CYP39A1: variants seen among roughly 807,000 people sequenced by gnomAD.
The protein encoded by CYP39A1 is 24-hydroxycholesterol 7-alpha-hydroxylase.
In CYP39A1, 49 loss-of-function variants were observed where a neutral mutation model predicts 58.1. That is an observed-to-expected ratio of 0.84 (90% confidence interval 0.67 to 1.07). The LOEUF is 1.07. Among genes scored for constraint, CYP39A1 ranks in the 50% least tolerant of loss-of-function variants. CYP39A1 has a pLI of 0.00. For synonymous variants in CYP39A1, 209 were observed against 187.6 expected (o/e 1.11, Z -0.93); for missense variants, 531 against 539.4 (o/e 0.98, Z 0.16).
At chr6:46,551,381 A>G (rs1013534901) in intron 11 of CYP39A1, among the ~76,000 whole-genome samples, 3 of 151,702 alleles carry the variant, frequency 2.0e-5, no homozygotes, top group Admixed American at 6.6e-5. Flanking sequence ...AAAAAAAAAA[A>G]AAACAACCAT....
intron 7 of CYP39A1, among the ~76,000 whole-genome samples, chr6:46,605,001 G>A (rs1773752276): frequency 6.7e-6 from 1 of 148,498 alleles, no homozygotes; most frequent in Admixed American, 6.7e-5. Flanking sequence ...TAGCTGATGA[G>A]CTTAAAAAAA....
Position 46,550,319 on chromosome 6 carries a change from G to T in CYP39A1, c.*47C>A. On this transcript the variant is annotated 3_prime_UTR_variant, in exon 12 of 12. Transcript: ENST00000275016. ...GGTCTAGGTGCTGCCAGGTGGGGTA[G>T]TGCCACTCCTCCAGAAGGCCCTGGT... The T allele has an allele frequency of 6.5e-7, 1 of 1,537,524 alleles. No homozygotes were observed. The highest frequency in any genetic ancestry group is 8.9e-7 in the Non-Finnish European group (1 of 1,117,336).
chr6:46,619,850 C>T (rs1400840702), intron 7 of CYP39A1, among the ~76,000 whole-genome samples: 2 of 152,168 alleles, frequency 1.3e-5, no homozygotes, highest in East Asian at 3.9e-4. Context: ...ATGGTGAGCA[C>T]TCAAAAAATA....
At chr6:46,607,727 AC>A (rs1047132049) in intron 7 of CYP39A1, among the ~76,000 whole-genome samples, 2 of 152,138 alleles carry the variant, frequency 1.3e-5, no homozygotes, top group Non-Finnish European at 2.9e-5. Flanking sequence ...TACTGAGGAA[AC>A]CCCTGTGCTT....
rs539951455 is a variant in CYP39A1, at chr6:46,603,063, C to T, written c.932-6943G>A. Among the ~76,000 whole-genome samples, 4 of 152,252 alleles carry T rather than the reference C, an allele frequency of 2.6e-5. No individual in the cohort carries two copies. In the East Asian group the frequency reaches 7.7e-4, roughly 29 times the overall value. On this transcript the variant is annotated intron_variant, in intron 7 of 11. Coordinates refer to ENST00000275016, the MANE Select transcript of CYP39A1 (RefSeq NM_016593.5). ...TTTTTACACCTACAAAAGTCTGGAG[C>T]TTACATGCAGCCACATATATTGGAC...
chr6:46,602,578 C>T (rs148050201), intron 7 of CYP39A1, among the ~76,000 whole-genome samples: 1,552 of 150,632 alleles, frequency 0.01, 23 homozygotes, highest in African/African-American at 0.036. Context: ...TTTGGGAGGC[C>T]GAGGTGGGTG....
chr6:46,630,521 A>G (rs1254383227), intron 6 of CYP39A1, among the ~76,000 whole-genome samples: 1 of 152,168 alleles, frequency 6.6e-6, no homozygotes, highest in African/African-American at 2.4e-5. Context: ...ACAGTCTACA[A>G]CTACAAATTG....
At chr6:46,567,909 T>A (rs1182902064) in intron 10 of CYP39A1, among the ~76,000 whole-genome samples, 1 of 152,056 alleles carries the variant, frequency 6.6e-6, no homozygotes, top group Non-Finnish European at 1.5e-5. Flanking sequence ...ATAGGTGAGT[T>A]TCAGCAGTTG....
chr6:46,590,003 GA>G lies in CYP39A1; in HGVS notation c.1066-1875del, dbSNP rs1772733331. On this transcript the variant is annotated intron_variant, in intron 8 of 11. Transcript: ENST00000275016. ...CTAGCAACAGGGAGGAGACAAGAAA[GA>G]GGTGCCTGTTGCAGCAGCAGCAACT... 2.6e-5 allele frequency among the ~76,000 whole-genome samples: 4 copies of G among 152,156 alleles called. No homozygotes were observed. In the South Asian group the frequency reaches 8.3e-4, roughly 32 times the overall value.
rs371319419 is a variant in CYP39A1, at chr6:46,595,616, A to T, written c.1065+371T>A. On this transcript the variant is annotated intron_variant, in intron 8 of 11. Coordinates refer to ENST00000275016, the MANE Select transcript of CYP39A1 (RefSeq NM_016593.5). ...AAGGGGTGGAGGAGGACCTGGAGAG[A>T]TATTAGTCAAAGGATACAAAACTTC... 2.4e-3 allele frequency among the ~76,000 whole-genome samples: 372 copies of T among 152,004 alleles called. 2 individuals carry two copies. The highest frequency in any genetic ancestry group is 8.5e-3 in the African/African-American group (353 of 41,544).
At chr6:46,633,822 A>C (rs548944143) in intron 5 of CYP39A1, among the ~76,000 whole-genome samples, 3 of 152,114 alleles carry the variant, frequency 2.0e-5, no homozygotes, top group Admixed American at 2.0e-4. Context: ...ACACCACTGC[A>C]CTCCAGCCTG....
At position 46,639,715 on chromosome 6, in the gene CYP39A1, A is replaced by C. The variant is rs1470406486; in HGVS notation, c.314-47T>G. The C allele has an allele frequency of 8.0e-6, 12 of 1,497,126 alleles. 1 individual carries two copies. The Admixed American group carries it at 1.3e-4, about 17-fold the overall frequency. 92.7% of individuals were successfully genotyped at this position (1,497,126 alleles called of 1,614,324 possible). On this transcript the variant is annotated intron_variant, in intron 2 of 11. Transcript: ENST00000275016. ...TTCAAAATAAGCAACAACTCCTTGA[A>C]ACACACAGTCAATATATATCTACTA...
chr6:46,632,756 A>G (rs967119583), intron 5 of CYP39A1, among the ~76,000 whole-genome samples: 3 of 152,130 alleles, frequency 2.0e-5, no homozygotes, highest in African/African-American at 7.2e-5. Flanking sequence ...TGGTTGAGTT[A>G]GGATCCCAAC....
chr6:46,553,156 A>C (rs1770500762), intron 11 of CYP39A1, among the ~76,000 whole-genome samples: 2 of 152,006 alleles, frequency 1.3e-5, no homozygotes, highest in South Asian at 4.1e-4. Context: ...TTCTAGCGAT[A>C]AATAGCACCT....
At chr6:46,625,530 C>A (rs1405630619) in intron 6 of CYP39A1, 22 bp from the exon 7 acceptor site, 2 of 1,555,114 alleles carry the variant, frequency 1.3e-6, no homozygotes, top group Admixed American at 1.7e-5. Flanking sequence ...AAACATATAT[C>A]AAAAATATGA....
chr6:46,590,182 A>G (rs894327992), intron 8 of CYP39A1, among the ~76,000 whole-genome samples: 6 of 152,178 alleles, frequency 3.9e-5, no homozygotes, highest in Non-Finnish European at 8.8e-5. Context: ...GAGGCAAAAC[A>G]GTTGCAGAAT....
intron 7 of CYP39A1, among the ~76,000 whole-genome samples, chr6:46,610,829 T>A (rs1299416841): frequency 6.6e-6 from 1 of 152,258 alleles, no homozygotes; most frequent in African/African-American, 2.4e-5. Context: ...TTAGATTGTT[T>A]TAAAACATAC....
At chr6:46,593,312 T>C (rs1269683476) in intron 8 of CYP39A1, among the ~76,000 whole-genome samples, 2 of 152,076 alleles carry the variant, frequency 1.3e-5, no homozygotes, top group Admixed American at 1.3e-4. Flanking sequence ...GTAAAATTAC[T>C]TTTGAAAGAA....
chr6:46,556,114 G>C (rs983931654), intron 10 of CYP39A1, among the ~76,000 whole-genome samples: 1 of 152,182 alleles, frequency 6.6e-6, no homozygotes, highest in African/African-American at 2.4e-5. Context: ...TCCTGGCCAT[G>C]ATAAAGTAAC....
Sources: gnomAD v4.1 joint callset for allele counts (sites outside exome capture counted in the v4.1 genomes callset) on GRCh38, gnomAD v4.1.1 for gene constraint, MANE v1.5 for transcripts, NCBI Gene and HGNC (gene_info 2026-07-23, HGNC 2026-07-21) for gene names.